The following RNF13 variants were observed in gnomAD, a reference collection of about 807,000 sequenced individuals.
RNF13 encodes the protein E3 ubiquitin-protein ligase RNF13.
A neutral mutation model predicts 37.7 loss-of-function variants in RNF13; 19 were observed. The observed-to-expected ratio is 0.50, with a 90% CI of 0.35 to 0.74. The LOEUF (loss-of-function observed/expected upper bound fraction) is 0.74, where lower values mean the gene tolerates loss of function less well. RNF13 is among the 30% of genes least tolerant of loss of function. RNF13 has a pLI of 0.01. For missense variants in RNF13, 375 were observed against 453.0 expected, an observed-to-expected ratio of 0.83 and a Z score of 1.56; for synonymous variants, 144 against 157.8, an observed-to-expected ratio of 0.91 and a Z score of 0.65.
intron 1 of RNF13, among the ~76,000 whole-genome samples, chr3:149,830,898 TC>T (rs1311941951): frequency 6.6e-6 from 1 of 152,150 alleles, no homozygotes; most frequent in East Asian, 1.9e-4. Context: ...GGACTTGGTG[TC>T]CTGGGTCCTA....
chr3:149,866,237 A>T (rs1724807527), intron 3 of RNF13, among the ~76,000 whole-genome samples: 1 of 152,062 alleles, frequency 6.6e-6, no homozygotes, highest in Admixed American at 6.5e-5. Flanking sequence ...GTAAAGGAAT[A>T]AAAGAATGAC....
chr3:149,836,429 T>G (rs1431792438), intron 1 of RNF13, among the ~76,000 whole-genome samples: 1 of 152,090 alleles, frequency 6.6e-6, no homozygotes, highest in East Asian at 1.9e-4. Context: ...AGTATGGCTA[T>G]ATGTATATAT....
intron 2 of RNF13, among the ~76,000 whole-genome samples, chr3:149,846,348 G>C (rs1031225211): frequency 6.6e-6 from 1 of 152,082 alleles, no homozygotes; most frequent in Non-Finnish European, 1.5e-5. Flanking sequence ...CGTTGCCCAG[G>C]CTGGAGTACA....
At chr3:149,836,062 AT>A (rs1241699627) in intron 1 of RNF13, among the ~76,000 whole-genome samples, 2 of 152,052 alleles carry the variant, frequency 1.3e-5, no homozygotes, top group African/African-American at 2.4e-5. Flanking sequence ...ATTTTTTAAA[AT>A]TTTTTTGATA....
intron 7 of RNF13, among the ~76,000 whole-genome samples, chr3:149,920,426 T>C (rs1718000170): frequency 6.6e-6 from 1 of 151,560 alleles, no homozygotes; most frequent in Non-Finnish European, 1.5e-5. Flanking sequence ...AGAGATGGGG[T>C]CTCACTATGT....
At chr3:149,856,489 C>G (rs537768193) in intron 3 of RNF13, among the ~76,000 whole-genome samples, 3 of 150,168 alleles carry the variant, frequency 2.0e-5, no homozygotes, top group African/African-American at 7.4e-5. Context: ...TATTGCCCAG[C>G]CTGGAGTGCA....
intron 4 of RNF13, among the ~76,000 whole-genome samples, chr3:149,872,782 C>T (rs1390073604): frequency 6.6e-6 from 1 of 152,212 alleles, no homozygotes; most frequent in African/African-American, 2.4e-5. Context: ...GCTATTATTT[C>T]ATGTCACTTG....
At chr3:149,850,438 A>G (rs538925008) in intron 2 of RNF13, among the ~76,000 whole-genome samples, 1 of 152,226 alleles carries the variant, frequency 6.6e-6, no homozygotes, top group Admixed American at 6.5e-5. Flanking sequence ...AATATGAAAC[A>G]ATCCTTATTT....
chr3:149,947,407 C>CT (rs869289029), intron 8 of RNF13, among the ~76,000 whole-genome samples: 4,117 of 140,086 alleles, frequency 0.029, 100 homozygotes, highest in African/African-American at 0.071. Context: ...TCTTTCAGTT[C>CT]TTTTTTTTTT....
At chr3:149,902,520 T>C (rs1715950615) in intron 6 of RNF13, among the ~76,000 whole-genome samples, 1 of 152,046 alleles carries the variant, frequency 6.6e-6, no homozygotes, top group Non-Finnish European at 1.5e-5. Flanking sequence ...AGATATTTTA[T>C]ATATTATAAA....
At chr3:149,952,737 T>C (rs1721468563) in intron 8 of RNF13, among the ~76,000 whole-genome samples, 1 of 152,062 alleles carries the variant, frequency 6.6e-6, no homozygotes, top group Non-Finnish European at 1.5e-5. Context: ...GTAGCTGGGA[T>C]TACAGGCATG....
chr3:149,827,109 G>T (rs1277641456), intron 1 of RNF13, among the ~76,000 whole-genome samples: 2 of 152,016 alleles, frequency 1.3e-5, no homozygotes, highest in Non-Finnish European at 2.9e-5. Context: ...TGTATCCATG[G>T]CTCTGTATCT....
At chr3:149,912,332 G>T (rs1420463024) in intron 7 of RNF13, among the ~76,000 whole-genome samples, 1 of 152,062 alleles carries the variant, frequency 6.6e-6, no homozygotes, top group Non-Finnish European at 1.5e-5. Context: ...AACTTTTGGG[G>T]GATGACAGTC....
At chr3:149,898,809 A>G (rs1715522527) in intron 5 of RNF13, among the ~76,000 whole-genome samples, 1 of 152,194 alleles carries the variant, frequency 6.6e-6, no homozygotes, top group Non-Finnish European at 1.5e-5. Context: ...ATGAAGAAAA[A>G]TATCAGCATA....
intron 6 of RNF13, among the ~76,000 whole-genome samples, chr3:149,907,228 A>T (rs1716510080): frequency 6.6e-6 from 1 of 152,028 alleles, no homozygotes. Context: ...TCCAATTCTT[A>T]TGCTTCTAAT....
Position 149,926,180 on chromosome 3 carries a change from A to G in RNF13, c.700+4953A>G, listed in dbSNP as rs180916085. Among the ~76,000 whole-genome samples the G allele has an allele frequency of 5.9e-5, 9 of 152,112 alleles. No individual in the cohort carries two copies. In the East Asian group the frequency reaches 1.5e-3, roughly 26 times the overall value. ...TTATGGACCAGAATTCTTGCCTTTC[A>G]TGGTAGTATTCTTCTATTTTTGTTT... On this transcript the variant is annotated intron_variant, in intron 8 of 9. Transcript: ENST00000392894.
chr3:149,826,742 A>G (rs191475309), intron 1 of RNF13, among the ~76,000 whole-genome samples: 109 of 152,250 alleles, frequency 7.2e-4, no homozygotes, highest in African/African-American at 2.6e-3. Flanking sequence ...CAGCAAATTA[A>G]TTTATTATTT....
intron 8 of RNF13, among the ~76,000 whole-genome samples, chr3:149,945,231 A>AG (rs1204961666): frequency 6.6e-6 from 1 of 152,172 alleles, no homozygotes; most frequent in African/African-American, 2.4e-5. Flanking sequence ...TATAGTTTGA[A>AG]GTCAGGTAGT....
At chr3:149,932,480 C>T (rs1333683101) in intron 8 of RNF13, among the ~76,000 whole-genome samples, 2 of 152,094 alleles carry the variant, frequency 1.3e-5, no homozygotes, top group East Asian at 1.9e-4. Flanking sequence ...CCTATTAGCC[C>T]GTAAAATCAA....
Sources: allele counts gnomAD v4.1 joint callset (sites outside exome capture counted in the v4.1 genomes callset), GRCh38; gene constraint gnomAD v4.1.1; transcripts MANE v1.5; gene names NCBI Gene and HGNC (gene_info 2026-07-23, HGNC 2026-07-21).